Variants in SYNJ2 observed in about 807,000 individuals in gnomAD.
SYNJ2 encodes the protein synaptojanin 2.
Under a neutral mutation model 141.3 loss-of-function variants are expected in SYNJ2, and 116 were observed. That is an observed-to-expected ratio of 0.82 (90% CI 0.71 to 0.96). The LOEUF (loss-of-function observed/expected upper bound fraction) is 0.96, where lower values mean the gene tolerates loss of function less well. Among genes scored for constraint, SYNJ2 ranks in the 40% least tolerant of loss-of-function variants. The pLI, the probability that SYNJ2 is intolerant of heterozygous loss-of-function variation, is 0.00. For synonymous variants in SYNJ2, 745 were observed against 777.7 expected (o/e 0.96, Z 0.70); for missense variants, 1,873 against 1,934.8 (o/e 0.97, Z 0.60).
At position 158,047,794 on chromosome 6, in the gene SYNJ2, A is replaced by G. The variant is rs895077558; in HGVS notation, c.795+4395A>G. Among the ~76,000 whole-genome samples the G allele has an allele frequency of 1.3e-5, 2 of 149,706 alleles. 1 individual carries two copies. Among genetic ancestry groups the G allele is most frequent in the African/African-American group, 4.9e-5 (2 of 40,768 alleles). On this transcript the variant is annotated intron_variant, in intron 5 of 26. Coordinates refer to ENST00000355585, the MANE Select transcript of SYNJ2 (RefSeq NM_003898.4). ...TCTGTCAAAAAAAAAAAAAAAAAAA[A>G]AAAAAAAAAAACACACAGTATCTAG...
intron 16 of SYNJ2, 41 bp downstream of exon 16, chr6:158,074,779 A>C (rs751683180): frequency 1.2e-6 from 2 of 1,603,566 alleles, no homozygotes; most frequent in East Asian, 4.5e-5. Context: ...AGCTGCTCCA[A>C]GATGGAATGA....
chr6:158,042,519 G>A (rs552888799), intron 4 of SYNJ2, among the ~76,000 whole-genome samples: 14 of 152,350 alleles, frequency 9.2e-5, no homozygotes, highest in Non-Finnish European at 1.6e-4. Context: ...TAAAGGCCCC[G>A]CATCTGATAA....
intron 22 of SYNJ2, among the ~76,000 whole-genome samples, chr6:158,085,658 T>A (rs1235945209): frequency 1.3e-5 from 2 of 152,208 alleles, no homozygotes; most frequent in Non-Finnish European, 2.9e-5. Flanking sequence ...ATAACTTGCC[T>A]ATACCGAACC....
intron 15 of SYNJ2, among the ~76,000 whole-genome samples, chr6:158,073,068 TAAAAA>T (rs59003520): frequency 3.0e-5 from 4 of 134,366 alleles, no homozygotes; most frequent in Non-Finnish European, 4.8e-5. Context: ...AGACTCTGTC[TAAAAA>T]AAAAAAAAAA....
Position 157,981,887 on chromosome 6 carries a change from G to C in SYNJ2, c.-75G>C, listed in dbSNP as rs1489160724. 8.4e-7 allele frequency: 1 copy of C among 1,192,090 alleles called. No homozygotes were observed. Among genetic ancestry groups the C allele is most frequent in the Admixed American group, 4.3e-5 (1 of 23,210 alleles). 73.8% of individuals were successfully genotyped at this position (1,192,090 alleles called of 1,614,324 possible). ...TGAAACTCTGGCAAGTTGCGGGCGC[G>C]CGGGGAGCTGTCGCGGGCAGCGCGC... On this transcript the variant is annotated 5_prime_UTR_variant, in exon 1 of 27. Coordinates refer to ENST00000355585, the MANE Select transcript of SYNJ2 (RefSeq NM_003898.4). The surrounding 1 kb of genome is among the most constrained non-coding windows in gnomAD (Gnocchi z 6.4).
intron 5 of SYNJ2, among the ~76,000 whole-genome samples, chr6:158,051,151 C>T (rs187278557): frequency 7.3e-4 from 111 of 152,242 alleles, no homozygotes; most frequent in Middle Eastern, 6.8e-3. Context: ...CTTGTCACGA[C>T]GGAGAGCCAG....
rs1442904031 is a variant in SYNJ2 at position 157,982,395 on chromosome 6, G to A, written c.127+307G>A. Among the ~76,000 whole-genome samples the A allele has an allele frequency of 6.6e-6, 1 of 152,202 alleles. No individual in the cohort carries two copies. Among genetic ancestry groups the A allele is most frequent in the African/African-American group, 2.4e-5 (1 of 41,444 alleles). ...CGCTTTGCGTATTCATGAGGATCCC[G>A]GGGTGTTGACTTAGCCGGCCTGACC... On this transcript the variant is annotated intron_variant, in intron 1 of 26. Transcript: ENST00000355585. This position sits in a 1 kb window ranked among gnomAD's most constrained non-coding sequence, Gnocchi z 4.0.
rs182284292 is a variant in SYNJ2, at chr6:158,089,513, T to C, written c.3457-326T>C. On this transcript the variant is annotated intron_variant, in intron 24 of 26. Transcript: ENST00000355585. ...TAAGGAAGGTATTTTAACAACTCAG[T>C]GGGACCATGGAAAGAGTGGCCTCTT... Among the ~76,000 whole-genome samples, 496 of 152,248 alleles carry C rather than the reference T, an allele frequency of 3.3e-3. 3 individuals carry two copies. Among genetic ancestry groups the C allele is most frequent in the Non-Finnish European group, 3.7e-3 (251 of 68,000 alleles).
intron 15 of SYNJ2, among the ~76,000 whole-genome samples, chr6:158,073,896 A>G (rs1160579946): frequency 1.6e-5 from 1 of 62,652 alleles, no homozygotes; most frequent in African/African-American, 6.4e-5. Flanking sequence ...TTGTTTCTGA[A>G]CTTTGTTTTT....
Position 158,033,462 on chromosome 6 carries a change from C to G in SYNJ2, c.493C>G (p.Leu165Val). 1 of 1,614,036 alleles carries G rather than the reference C, an allele frequency of 6.2e-7. No individual in the cohort carries two copies. The highest frequency in any genetic ancestry group is 1.1e-5 in the South Asian group (1 of 91,064). ...TGGGACTGTGTTTTGCAGGAACCAG[C>G]TGTTGCACGTGCCCTTGAGGCAGCA... is the stretch of plus-strand genomic sequence containing the variant. ...EWGNSFFWNQ[L>V]LHVPLRQHQV... The change falls in exon 4 of 27, where the codon CTG becomes GTG. Residue 165 changes from leucine (L) to valine (V), a missense_variant. Coordinates refer to ENST00000355585, the MANE Select transcript of SYNJ2 (RefSeq NM_003898.4).
intron 1 of SYNJ2, among the ~76,000 whole-genome samples, chr6:157,992,496 A>G (rs1317788922): frequency 6.8e-6 from 1 of 147,206 alleles, no homozygotes. Context: ...GCTCACTGCA[A>G]CCTCCGCCTT....
At chr6:158,077,405 G>A (rs562846693) in intron 17 of SYNJ2, among the ~76,000 whole-genome samples, 1 of 152,254 alleles carries the variant, frequency 6.6e-6, no homozygotes, top group African/African-American at 2.4e-5. Context: ...TGGGGAAAGC[G>A]GGGAGCATGA....
chr6:158,095,296 C>T (rs1273331048), intron 26 of SYNJ2, among the ~76,000 whole-genome samples: 1 of 152,130 alleles, frequency 6.6e-6, no homozygotes, highest in Non-Finnish European at 1.5e-5. Context: ...GAGAGGTTTG[C>T]TTTCAATAAA....
At chr6:158,067,909 C>G in intron 12 of SYNJ2, 1 of 985,298 alleles carries the variant, frequency 1.0e-6, no homozygotes, top group African/African-American at 1.7e-5. Flanking sequence ...AGCCGTGGCT[C>G]AAGAGCCGTC....
intron 8 of SYNJ2, among the ~76,000 whole-genome samples, chr6:158,062,715 T>G (rs1260234489): frequency 6.6e-6 from 1 of 152,178 alleles, no homozygotes; most frequent in African/African-American, 2.4e-5. Flanking sequence ...TCCTTAAAAC[T>G]GATTTGTAAC....
chr6:158,031,211 T>G (rs1779342980), intron 3 of SYNJ2, among the ~76,000 whole-genome samples: 1 of 152,218 alleles, frequency 6.6e-6, no homozygotes, highest in Non-Finnish European at 1.5e-5. Context: ...GTGAAACTAT[T>G]TTAAACCAGA....
At chr6:157,987,362 G>C (rs1228918500) in intron 1 of SYNJ2, among the ~76,000 whole-genome samples, 3 of 152,100 alleles carry the variant, frequency 2.0e-5, no homozygotes, top group African/African-American at 7.2e-5. Context: ...ATTAAATCAA[G>C]ATGATTAACG....
chr6:158,027,744 C>G lies in SYNJ2; in HGVS notation c.215-1012C>G, dbSNP rs1779128206. On this transcript the variant is annotated intron_variant, in intron 2 of 26. Transcript: ENST00000355585. The surrounding 1 kb of genome is among the most constrained non-coding windows in gnomAD (Gnocchi z 4.6). Reference sequence around the variant, plus strand: ...TGTGTGACAACTGCTGATGGGAATGCTATTGGCACGTACGAGGGGTGCCTG... The same window carrying G: ...TGTGTGACAACTGCTGATGGGAATGGTATTGGCACGTACGAGGGGTGCCTG... 1 of 152,096 alleles carries G rather than the reference C, an allele frequency of 6.6e-6. No individual in the cohort carries two copies. The highest frequency in any genetic ancestry group is 2.4e-5 in the African/African-American group (1 of 41,374). 9.4% of individuals were successfully genotyped at this position (152,096 alleles called of 1,614,324 possible). A position where few individuals can be genotyped will look rare whatever the true frequency, so the allele number is the denominator to read the frequency against.
At position 158,093,041 on chromosome 6, in the gene SYNJ2, T is replaced by G; in HGVS notation, c.3681T>G (p.Leu1227=). The G allele has an allele frequency of 6.2e-7, 1 of 1,609,294 alleles. No homozygotes were observed. Among genetic ancestry groups the G allele is most frequent in the Non-Finnish European group, 8.5e-7 (1 of 1,178,626 alleles). ...KPETPQAPPL[L]PRRPPPRVPA... ...AGACCCCACAGGCGCCCCCACTCCTTCCCCGTCGGCCCCCACCCAGAGTTC... is the reference window on the plus strand; with the variant it reads ...AGACCCCACAGGCGCCCCCACTCCTGCCCCGTCGGCCCCCACCCAGAGTTC... Residue 1227 remains leucine, a synonymous_variant, in exon 26 of 27, where the codon CTT becomes CTG. Transcript: ENST00000355585.
Sources: allele counts gnomAD v4.1 joint callset (sites outside exome capture counted in the v4.1 genomes callset), GRCh38; gene constraint gnomAD v4.1.1; non-coding constraint Gnocchi (gnomAD v3.1); transcripts MANE v1.5; gene names NCBI Gene and HGNC (gene_info 2026-07-23, HGNC 2026-07-21).